Variants in CSF2RA observed in about 807,000 individuals in gnomAD.
CSF2RA encodes the protein colony stimulating factor 2 receptor subunit alpha, also known as granulocyte-macrophage colony-stimulating factor receptor subunit alpha.
Under a neutral mutation model 51.6 loss-of-function variants are expected in CSF2RA, and 42 were observed. That is an observed-to-expected ratio of 0.81 (90% CI 0.64 to 1.05). CSF2RA has a LOEUF of 1.05. CSF2RA is among the 50% of genes least tolerant of loss of function. The pLI, the probability that CSF2RA is intolerant of heterozygous loss-of-function variation, is 0.00. For missense variants in CSF2RA, 530 were observed against 501.1 expected (o/e 1.06, Z -0.55); for synonymous variants, 222 against 193.0 (o/e 1.15, Z -1.24).
chrX:1,268,981 A>G, intron 1 of CSF2RA, 102 bp downstream of exon 1: 6 of 422,926 alleles, frequency 1.4e-5, no homozygotes, highest in South Asian at 9.8e-5. Context: ...ACTGAACTGG[A>G]ACATAAGATT....
intron 4 of CSF2RA, among the ~76,000 whole-genome samples, chrX:1,286,609 C>G (rs374922208): frequency 6.6e-6 from 1 of 151,754 alleles, no homozygotes; most frequent in African/African-American, 2.4e-5. Flanking sequence ...TAAATAAAAG[C>G]GAGAGGGCCA....
intron 12 of CSF2RA, 179 bp downstream of exon 12, chrX:1,305,706 C>G: frequency 6.4e-7 from 1 of 1,557,450 alleles, no homozygotes; most frequent in Admixed American, 2.0e-5. Context: ...GGGGTCTTCT[C>G]CAAGGTTGGG....
chrX:1,271,056 A>T (rs766409242), intron 1 of CSF2RA, among the ~76,000 whole-genome samples: 11 of 151,988 alleles, frequency 7.2e-5, no homozygotes, highest in South Asian at 2.1e-4. Context: ...TACAAATTTT[A>T]AAAAAGACAG....
chrX:1,318,327 C>G, the CSF2RA span, among the ~76,000 whole-genome samples: 3 of 151,894 alleles, frequency 2.0e-5, no homozygotes, highest in Non-Finnish European at 4.4e-5. Context: ...CCACACCCAG[C>G]TAATTTTGTA....
At chrX:1,322,953 C>A in the CSF2RA span, among the ~76,000 whole-genome samples, 1 of 150,388 alleles carries the variant, frequency 6.6e-6, no homozygotes, top group Admixed American at 6.7e-5. Flanking sequence ...CACGGTGAAA[C>A]CTCATCTCTA....
intron 2 of CSF2RA, among the ~76,000 whole-genome samples, chrX:1,280,949 T>TCCTCCTCCTCCTCCTCCTCCTCCTC (rs2089897221): frequency 5.0e-5 from 1 of 19,866 alleles, no homozygotes; most frequent in African/African-American, 1.7e-4. Flanking sequence ...TCCTCCTGCT[T>TCCTCCTCCTCCTCCTCCTCCTCCTC]CTCCTCCTCC....
At chrX:1,322,898 GAC>G in the CSF2RA span, among the ~76,000 whole-genome samples, 1 of 151,788 alleles carries the variant, frequency 6.6e-6, no homozygotes, top group South Asian at 2.1e-4. Context: ...GGGAGGCCAA[GAC>G]AGGCAGATCA....
At chrX:1,325,196 C>G in the CSF2RA span, among the ~76,000 whole-genome samples, 3 of 148,768 alleles carry the variant, frequency 2.0e-5, no homozygotes, top group African/African-American at 7.4e-5. Context: ...CCCGTCTCTA[C>G]TAAAATACAC....
At chrX:1,322,181 A>G in the CSF2RA span, among the ~76,000 whole-genome samples, 2 of 151,604 alleles carry the variant, frequency 1.3e-5, no homozygotes, top group South Asian at 4.2e-4. Flanking sequence ...TCTCTGGTCA[A>G]CGCAACCTCC....
chrX:1,311,397 A>G (rs2084176544), downstream of CSF2RA, among the ~76,000 whole-genome samples: 2 of 151,106 alleles, frequency 1.3e-5, no homozygotes, highest in African/African-American at 4.9e-5. Flanking sequence ...TGAAGGCACA[A>G]TTCCTGTACA....
chrX:1,288,430 C>T (rs1221943697), intron 4 of CSF2RA, 89 bp from the exon 5 acceptor site: 20 of 1,491,868 alleles, frequency 1.3e-5, no homozygotes, highest in Non-Finnish European at 1.6e-5. Flanking sequence ...TGTAGTGAGC[C>T]GAGATCACGC....
At chrX:1,316,030 A>AGACC in the CSF2RA span, among the ~76,000 whole-genome samples, 1 of 91,400 alleles carries the variant, frequency 1.1e-5, no homozygotes, top group African/African-American at 4.3e-5. Context: ...ATAGATACAT[A>AGACC]GATAGACCAA....
At chrX:1,307,552 C>CCA (rs1383546081) in intron 12 of CSF2RA, among the ~76,000 whole-genome samples, 1 of 152,244 alleles carries the variant, frequency 6.6e-6, no homozygotes, top group Non-Finnish European at 1.5e-5. Flanking sequence ...CACGCTTCTC[C>CCA]TTTGGACCTT....
intron 2 of CSF2RA, among the ~76,000 whole-genome samples, chrX:1,281,607 G>C (rs1327286115): frequency 6.6e-6 from 1 of 151,296 alleles, no homozygotes; most frequent in Non-Finnish European, 1.5e-5. Context: ...AATAAGAGTA[G>C]TTTCACTGCC....
intron 1 of CSF2RA, among the ~76,000 whole-genome samples, chrX:1,269,599 G>A (rs1487344120): frequency 1.3e-5 from 2 of 149,470 alleles, no homozygotes; most frequent in Non-Finnish European, 3.0e-5. Context: ...CTCCAGCCTG[G>A]GCAACAAGAC....
intron 2 of CSF2RA, 62 bp downstream of exon 2, chrX:1,274,880 T>G (rs28535804): frequency 0.37 from 166,232 of 452,446 alleles, 34,225 homozygotes; most frequent in Non-Finnish European, 0.45. Flanking sequence ...TTAAGTGAAG[T>G]CTAAAGAACT....
intron 4 of CSF2RA, among the ~76,000 whole-genome samples, chrX:1,286,768 A>G (rs1485775406): frequency 6.6e-6 from 1 of 152,104 alleles, no homozygotes; most frequent in Non-Finnish European, 1.5e-5. Context: ...TTTTACCCCA[A>G]GAGAAGAGAA....
At chrX:1,289,086 C>T in intron 6 of CSF2RA, 198 bp downstream of exon 6, 3 of 666,330 alleles carry the variant, frequency 4.5e-6, no homozygotes, top group Non-Finnish European at 7.7e-6. Context: ...CTCAGCTTCC[C>T]AGGTAGCTGG....
In CSF2RA at chrX:1,309,537, G is replaced by C. The variant is rs767118968; in HGVS notation, c.*58G>C. The C allele has an allele frequency of 3.2e-5, 51 of 1,613,866 alleles. No individual in the cohort carries two copies. Among genetic ancestry groups the C allele is most frequent in the Middle Eastern group, 3.3e-4 (2 of 6,078 alleles). On this transcript the variant is annotated 3_prime_UTR_variant, in exon 13 of 13. Coordinates refer to ENST00000381529, the MANE Select transcript of CSF2RA (RefSeq NM_172245.4). Reference sequence around the variant, plus strand: ...TCCGCCTCCGCGACACGGGGGAACTGTTTTCTTGATGATGCTGTGAACCTT... The same window carrying C: ...TCCGCCTCCGCGACACGGGGGAACTCTTTTCTTGATGATGCTGTGAACCTT...
Sources: allele counts gnomAD v4.1 joint callset (sites outside exome capture counted in the v4.1 genomes callset), GRCh38; gene constraint gnomAD v4.1.1; transcripts MANE v1.5; gene names NCBI Gene and HGNC (gene_info 2026-07-23, HGNC 2026-07-21).